The following FBN2 variants were observed in gnomAD, a reference collection of about 807,000 sequenced individuals.
FBN2 encodes the protein fibrillin-2.
In FBN2, 105 loss-of-function variants were observed where a neutral mutation model predicts 355.6. The observed-to-expected ratio is 0.30, with a 90% CI of 0.25 to 0.35. FBN2 has a LOEUF of 0.35. Among genes scored for constraint, FBN2 ranks in the 10% least tolerant of loss-of-function variants. FBN2 has a pLI of 1.00. For synonymous variants in FBN2, 1,350 were observed against 1,301.2 expected, an observed-to-expected ratio of 1.04 and a Z score of -0.81; for missense variants, 3,280 against 3,758.7, an observed-to-expected ratio of 0.87 and a Z score of 3.33.
chr5:128,270,544 C>T (rs1223445306), intron 62 of FBN2, among the ~76,000 whole-genome samples: 1 of 152,000 alleles, frequency 6.6e-6, no homozygotes, highest in African/African-American at 2.4e-5. Context: ...AATAAAAAAT[C>T]CCTGAAGAAA....
In FBN2 at chr5:128,339,983, T is replaced by G. The variant is rs138096103; in HGVS notation, c.3344-922A>C. On this transcript the variant is annotated intron_variant, in intron 25 of 64. Coordinates refer to ENST00000262464, the MANE Select transcript of FBN2 (RefSeq NM_001999.4). ...AGCTGTCACCAACACCTGAGGACTG[T>G]GTGGGTGAGTTTGTTTCCTCTTTTT... Among the ~76,000 whole-genome samples, 20 of 151,644 alleles carry G rather than the reference T, an allele frequency of 1.3e-4. No individual in the cohort carries two copies. The East Asian group carries it at 2.7e-3, about 20-fold the overall frequency.
intron 8 of FBN2, 120 bp from the exon 9 acceptor site, chr5:128,395,394 T>G: frequency 9.6e-7 from 1 of 1,042,940 alleles, no homozygotes; most frequent in Non-Finnish European, 1.4e-6. Flanking sequence ...CTGTTATCTA[T>G]TCCTTTCTTC....
At position 128,257,945 on chromosome 5, in the gene FBN2, T is replaced by C. The variant is rs1334694593; in HGVS notation, c.*1510A>G. The C allele has an allele frequency of 6.6e-6, 1 of 152,606 alleles. No individual in the cohort carries two copies. 9.5% of individuals were successfully genotyped at this position (152,606 alleles called of 1,614,324 possible). ...AAGCTTTATTGCAAGAAAAGTGTCA[T>C]ATTTGATACACAGACCTACAAAAAC... On this transcript the variant is annotated 3_prime_UTR_variant, in exon 65 of 65. Coordinates refer to ENST00000262464, the MANE Select transcript of FBN2 (RefSeq NM_001999.4).
At chr5:128,321,833 G>C (rs998885496) in intron 34 of FBN2, among the ~76,000 whole-genome samples, 3 of 152,118 alleles carry the variant, frequency 2.0e-5, no homozygotes, top group African/African-American at 7.2e-5. Flanking sequence ...GGGTCAAATG[G>C]TATTTCTGGT....
At chr5:128,382,231 T>G (rs1314389279) in intron 11 of FBN2, among the ~76,000 whole-genome samples, 1 of 152,102 alleles carries the variant, frequency 6.6e-6, no homozygotes, top group Non-Finnish European at 1.5e-5. Context: ...CCTCACTGCC[T>G]TTGATTTTTC....
At chr5:128,310,369 T>G (rs1394890640) in intron 39 of FBN2, among the ~76,000 whole-genome samples, 1 of 25,638 alleles carries the variant, frequency 3.9e-5, no homozygotes, top group South Asian at 1.8e-3. Flanking sequence ...TTGGCACATA[T>G]ATATATATAT....
intron 5 of FBN2, among the ~76,000 whole-genome samples, chr5:128,466,270 T>A (rs995806547): frequency 5.3e-5 from 8 of 152,174 alleles, no homozygotes; most frequent in Non-Finnish European, 1.2e-4. Context: ...GTCAATACAG[T>A]TTATTAATTC....
intron 5 of FBN2, among the ~76,000 whole-genome samples, chr5:128,502,210 C>G (rs375097708): frequency 6.6e-6 from 1 of 150,732 alleles, no homozygotes; most frequent in African/African-American, 2.4e-5. Flanking sequence ...AACAATAGAA[C>G]GTTTCTCCAA....
At chr5:128,396,162 G>A (rs558846816) in intron 8 of FBN2, among the ~76,000 whole-genome samples, 23 of 152,200 alleles carry the variant, frequency 1.5e-4, no homozygotes, top group Middle Eastern at 6.8e-3. Context: ...TGTGGGGTAT[G>A]GAAGAAAGAG....
intron 53 of FBN2, among the ~76,000 whole-genome samples, chr5:128,287,934 ATG>A (rs1561749349): frequency 6.6e-6 from 1 of 152,166 alleles, no homozygotes; most frequent in Admixed American, 6.5e-5. Flanking sequence ...TGTACTATGC[ATG>A]TGTGGGGCAA....
intron 29 of FBN2, 61 bp downstream of exon 29, chr5:128,335,394 G>C: frequency 6.2e-7 from 1 of 1,610,458 alleles, no homozygotes; most frequent in Non-Finnish European, 8.5e-7. Context: ...AATATCTGGA[G>C]CCATATTTTC....
chr5:128,403,210 C>G (rs1306392985), intron 8 of FBN2, among the ~76,000 whole-genome samples: 2 of 152,100 alleles, frequency 1.3e-5, no homozygotes, highest in East Asian at 3.9e-4. Flanking sequence ...AACCCATATA[C>G]TGGTCATCAC....
intron 5 of FBN2, among the ~76,000 whole-genome samples, chr5:128,469,733 G>A (rs1754806539): frequency 6.6e-6 from 1 of 152,126 alleles, no homozygotes; most frequent in Non-Finnish European, 1.5e-5. Flanking sequence ...AAATGAACGG[G>A]TGAATGTGTT....
chr5:128,286,745 G>C lies in FBN2; in HGVS notation c.6985C>G (p.Arg2329Gly). ...ACACAGCCTTCTCCATCGGGCCTTCGGGCCATTCCAGGAGGGCAGATGCAC... is the reference window on the plus strand; with the variant it reads ...ACACAGCCTTCTCCATCGGGCCTTCCGGCCATTCCAGGAGGGCAGATGCAC... ...FMCICPPGMARRPDGEGCVDE... is the reference protein window; with the variant it reads ...FMCICPPGMAGRPDGEGCVDE... Residue 2329 changes from arginine to glycine, a missense_variant, in exon 55 of 65, where the codon CGA (arginine) becomes GGA (glycine). By Grantham distance (125) the Arg-to-Gly change is moderately radical. This residue lies in a region of FBN2 where 2,284 missense variants were observed against 2,749.5 expected (regional missense o/e 0.83). Coordinates refer to ENST00000262464, the MANE Select transcript of FBN2 (RefSeq NM_001999.4). 6.2e-7 allele frequency: 1 copy of C among 1,614,112 alleles called. No homozygotes were observed. Among genetic ancestry groups the C allele is most frequent in the Non-Finnish European group, 8.5e-7 (1 of 1,179,984 alleles).
chr5:128,423,603 A>G (rs950170249), intron 7 of FBN2, among the ~76,000 whole-genome samples: 1 of 152,170 alleles, frequency 6.6e-6, no homozygotes, highest in Non-Finnish European at 1.5e-5. Flanking sequence ...ATCACAAAGC[A>G]AGAGAGAGCA....
At chr5:128,284,061 C>A (rs949231710) in intron 55 of FBN2, among the ~76,000 whole-genome samples, 4 of 152,172 alleles carry the variant, frequency 2.6e-5, no homozygotes, top group African/African-American at 9.7e-5. Flanking sequence ...CTAAATGAAA[C>A]CCTTGTTTCT....
At chr5:128,454,698 G>A (rs189368628) in intron 6 of FBN2, among the ~76,000 whole-genome samples, 10 of 152,248 alleles carry the variant, frequency 6.6e-5, no homozygotes, top group Admixed American at 3.3e-4. Context: ...GTGCACTAAC[G>A]CCATATGAAA....
intron 48 of FBN2, among the ~76,000 whole-genome samples, chr5:128,296,450 G>C (rs1240974096): frequency 1.3e-5 from 2 of 151,784 alleles, no homozygotes; most frequent in African/African-American, 4.8e-5. Flanking sequence ...GAATTCGGCT[G>C]TGAATCCATC....
Position 128,310,072 on chromosome 5 carries a change from C to CCA in FBN2, c.5109_5110dup (p.Gly1704ValfsTer33). 6.2e-7 allele frequency: 1 copy of CCA among 1,613,148 alleles called. No individual in the cohort carries two copies. Among genetic ancestry groups the CCA allele is most frequent in the Non-Finnish European group, 8.5e-7 (1 of 1,179,406 alleles). ...CAGGGTGTTATAGCAGGTCCCAGGCCCACACACACCAGGATGTGCAAAACA... is the reference window on the plus strand; with the variant it reads ...CAGGGTGTTATAGCAGGTCCCAGGCCCACACACACACCAGGATGTGCAAAACA... On this transcript the variant is annotated frameshift_variant, in exon 40 of 65. Transcript: ENST00000262464. LOFTEE classifies it high-confidence loss of function.
Sources: allele counts gnomAD v4.1 joint callset (sites outside exome capture counted in the v4.1 genomes callset), GRCh38; gene constraint gnomAD v4.1.1; regional missense constraint gnomAD v4.1.1; transcripts MANE v1.5; gene names NCBI Gene and HGNC (gene_info 2026-07-23, HGNC 2026-07-21).